The following ADGRV1 variants were observed in gnomAD, a reference collection of about 807,000 sequenced individuals.
ADGRV1 encodes the protein adhesion G protein-coupled receptor V1.
A neutral mutation model predicts 596.2 loss-of-function variants in ADGRV1; 359 were observed. The ratio of observed to expected loss-of-function variants is 0.60; its 90% CI spans 0.55 to 0.66. ADGRV1 has a LOEUF of 0.66. Among genes scored for constraint, ADGRV1 ranks in the 30% least tolerant of loss-of-function variants. The pLI is 0.00. For synonymous variants in ADGRV1, 2,681 were observed against 2,679.2 expected (o/e 1.00, Z -0.02); for missense variants, 7,274 against 7,575.6 (o/e 0.96, Z 1.48).
intron 83 of ADGRV1, among the ~76,000 whole-genome samples, chr5:90,942,638 G>A (rs1776254704): frequency 6.6e-6 from 1 of 152,132 alleles, no homozygotes; most frequent in Non-Finnish European, 1.5e-5. Flanking sequence ...AAAAGGGGTG[G>A]TAACAGGTGA....
At position 90,637,657 on chromosome 5, in the gene ADGRV1, A is replaced by T. The variant is rs1766393174; in HGVS notation, c.2017-68A>T. On this transcript the variant is annotated intron_variant, in intron 10 of 89. Coordinates refer to ENST00000405460, the MANE Select transcript of ADGRV1 (RefSeq NM_032119.4). ...AATATATGTACAAACTAATATCAAT[A>T]CCAAAGCTTATATAATTTCTGAACA... The T allele has an allele frequency of 3.5e-6, 4 of 1,144,752 alleles. No individual in the cohort carries two copies. In the African/African-American group the frequency reaches 6.2e-5, roughly 18 times the overall value. 70.9% of individuals were successfully genotyped at this position (1,144,752 alleles called of 1,614,324 possible).
At chr5:91,011,981 AC>A (rs1782759572) in intron 85 of ADGRV1, among the ~76,000 whole-genome samples, 1 of 151,800 alleles carries the variant, frequency 6.6e-6, no homozygotes, top group African/African-American at 2.4e-5. Context: ...CAATAAAATT[AC>A]CCTTTCTTTT....
chr5:91,119,409 A>G (rs1437863400), intron 87 of ADGRV1, among the ~76,000 whole-genome samples: 1 of 152,162 alleles, frequency 6.6e-6, no homozygotes, highest in African/African-American at 2.4e-5. Flanking sequence ...AGTCCACGGG[A>G]GTCTTACAGC....
Position 90,791,036 on chromosome 5 carries a change from C to T in ADGRV1, c.14207C>T (p.Ser4736Phe), listed in dbSNP as rs201478715. ...IEEDYVIQLV[S>F]VEGGAELDLE... ...GAAGATTATGTGATCCAGCTTGTTT[C>T]TGTAGAGGGAGGAGCCGAACTGGAT... The change falls in exon 70 of 90, where the codon TCT becomes TTT. Residue 4736 changes from serine to phenylalanine, a missense_variant. Physicochemically the swap from Ser to Phe is radical, Grantham distance 155 (BLOSUM62 -2). This residue lies in a region of ADGRV1 where 1,874 missense variants were observed against 1,970.2 expected (regional missense o/e 0.95). Transcript: ENST00000405460. The T allele has an allele frequency of 5.6e-6, 9 of 1,613,748 alleles. No individual in the cohort carries two copies. In the Admixed American group the frequency reaches 1.0e-4, roughly 18 times the overall value.
At chr5:90,753,047 CTT>C (rs1755442192) in intron 53 of ADGRV1, among the ~76,000 whole-genome samples, 1 of 152,132 alleles carries the variant, frequency 6.6e-6, no homozygotes, top group Non-Finnish European at 1.5e-5. Context: ...GGATTTGACT[CTT>C]TAGACAGGAG....
chr5:90,799,594 G>T (rs916277046), intron 70 of ADGRV1, among the ~76,000 whole-genome samples: 1 of 151,972 alleles, frequency 6.6e-6, no homozygotes. Flanking sequence ...ACTTCATATG[G>T]AACCAAAAAA....
intron 64 of ADGRV1, among the ~76,000 whole-genome samples, chr5:90,780,873 T>A (rs1758762426): frequency 6.6e-6 from 1 of 152,164 alleles, no homozygotes; most frequent in African/African-American, 2.4e-5. Context: ...GCTAATTTTT[T>A]AAAATTAGTT....
intron 83 of ADGRV1, among the ~76,000 whole-genome samples, chr5:90,866,412 G>C (rs1018897357): frequency 6.6e-6 from 1 of 151,542 alleles, no homozygotes; most frequent in South Asian, 2.1e-4. Context: ...TCAAGATTCT[G>C]CTTGAATCTG....
intron 1 of ADGRV1, among the ~76,000 whole-genome samples, chr5:90,595,506 G>GC (rs1760277401): frequency 8.9e-6 from 1 of 111,934 alleles, no homozygotes; most frequent in Non-Finnish European, 1.9e-5. Flanking sequence ...TCCCAGTAGG[G>GC]GCGGCCGGGC....
At chr5:91,101,868 G>A (rs1011314995) in intron 86 of ADGRV1, among the ~76,000 whole-genome samples, 29 of 152,230 alleles carry the variant, frequency 1.9e-4, no homozygotes, top group Admixed American at 6.5e-4. Context: ...TGCTAATTTC[G>A]GGAGCACACT....
In ADGRV1 at chr5:90,744,533, C is replaced by T. The variant is rs377194273; in HGVS notation, c.10550-513C>T. On this transcript the variant is annotated intron_variant, in intron 50 of 89. Coordinates refer to ENST00000405460, the MANE Select transcript of ADGRV1 (RefSeq NM_032119.4). ...TGATCAACCATATATATTATCTATG[C>T]ACTGAAATCATAGACTTGAAAACTG... Among the ~76,000 whole-genome samples the T allele has an allele frequency of 6.8e-4, 103 of 152,086 alleles. 1 individual carries two copies. In the South Asian group the frequency reaches 0.021, roughly 31 times the overall value.
At chr5:91,127,983 G>C (rs1162454217) in intron 87 of ADGRV1, among the ~76,000 whole-genome samples, 2 of 152,050 alleles carry the variant, frequency 1.3e-5, no homozygotes, top group Non-Finnish European at 2.9e-5. Flanking sequence ...GCTCTGGTTA[G>C]TATTTTAATT....
At chr5:90,766,034 C>T (rs1011358104) in intron 59 of ADGRV1, among the ~76,000 whole-genome samples, 7 of 151,880 alleles carry the variant, frequency 4.6e-5, no homozygotes, top group Non-Finnish European at 7.4e-5. Context: ...CTCAGCCTCC[C>T]GAGTAGCTGG....
chr5:91,018,426 C>T (rs923808739), intron 85 of ADGRV1, among the ~76,000 whole-genome samples: 2 of 151,920 alleles, frequency 1.3e-5, no homozygotes, highest in African/African-American at 4.8e-5. Context: ...GAGGTTTTGG[C>T]AGAGCCTCTT....
chr5:90,694,810 C>T (rs1746979548), intron 33 of ADGRV1, 109 bp downstream of exon 33: 1 of 1,057,760 alleles, frequency 9.5e-7, no homozygotes, highest in Non-Finnish European at 1.3e-6. Context: ...TGTTAATATA[C>T]AGAAATGTAG....
At chr5:90,627,817 A>G in intron 7 of ADGRV1, 41 bp downstream of exon 7, 1 of 1,237,080 alleles carries the variant, frequency 8.1e-7, no homozygotes, top group Non-Finnish European at 1.1e-6. Flanking sequence ...TTATTTTATT[A>G]TATTATTCCA....
intron 79 of ADGRV1, among the ~76,000 whole-genome samples, chr5:90,851,637 C>A (rs1013391689): frequency 2.6e-5 from 4 of 152,096 alleles, no homozygotes; most frequent in Admixed American, 6.5e-5. Context: ...GCGGTGGTGC[C>A]AATCTACATG....
intron 87 of ADGRV1, among the ~76,000 whole-genome samples, chr5:91,115,427 C>T (rs1028186267): frequency 2.0e-5 from 3 of 152,244 alleles, no homozygotes; most frequent in Middle Eastern, 3.4e-3. Flanking sequence ...ACTCCTGGGC[C>T]GGCATCCTAA....
chr5:91,100,196 C>G (rs1019504501), intron 86 of ADGRV1, among the ~76,000 whole-genome samples: 1 of 152,118 alleles, frequency 6.6e-6, no homozygotes. Context: ...CCAAGGCATG[C>G]GGATCGCTTG....
Sources: gnomAD v4.1 joint callset for allele counts (sites outside exome capture counted in the v4.1 genomes callset) on GRCh38, gnomAD v4.1.1 for gene constraint, gnomAD v4.1.1 regional missense constraint, MANE v1.5 for transcripts, NCBI Gene and HGNC (gene_info 2026-07-23, HGNC 2026-07-21) for gene names.